MAPK14: variants seen among roughly 807,000 people sequenced by gnomAD.
MAPK14 encodes mitogen-activated protein kinase 14, also known as CSAID-binding protein.
Under a neutral mutation model 49.6 loss-of-function variants are expected in MAPK14, and 16 were observed. The observed-to-expected ratio is 0.32, with a 90% CI of 0.22 to 0.49. MAPK14 has a LOEUF of 0.49. Among genes scored for constraint, MAPK14 ranks in the 20% least tolerant of loss-of-function variants. MAPK14 has a pLI of 0.99. For synonymous variants in MAPK14, 142 were observed against 158.0 expected, an observed-to-expected ratio of 0.90 and a Z score of 0.76; for missense variants, 200 against 441.2, an observed-to-expected ratio of 0.45 and a Z score of 4.90.
At chr6:36,090,528 T>C (rs1765180690) in intron 8 of MAPK14, among the ~76,000 whole-genome samples, 1 of 91,010 alleles carries the variant, frequency 1.1e-5, no homozygotes, top group African/African-American at 6.9e-5. Context: ...CCTCTCTCTC[T>C]TTTTTTTTTT....
At chr6:36,065,473 C>T (rs969482650) in intron 3 of MAPK14, among the ~76,000 whole-genome samples, 4 of 137,342 alleles carry the variant, frequency 2.9e-5, no homozygotes, top group African/African-American at 1.1e-4. Context: ...ACAAGTTCAT[C>T]CAGGGGCCGA....
rs868733426 is a variant in MAPK14 at position 36,059,855 on chromosome 6, C to T, written c.305+508C>T. On this transcript the variant is annotated intron_variant, in intron 3 of 11. Transcript: ENST00000229794. Reference sequence around the variant, plus strand: ...TAAAGGTGCTCTTCAAGAAATGTAACGGATCCCCAGCCATATAGACTCCCT... The same window carrying T: ...TAAAGGTGCTCTTCAAGAAATGTAATGGATCCCCAGCCATATAGACTCCCT... Among the ~76,000 whole-genome samples the T allele has an allele frequency of 5.3e-5, 8 of 152,150 alleles. 1 individual carries two copies. Among genetic ancestry groups the T allele is most frequent in the Middle Eastern group, 6.3e-3 (2 of 316 alleles).
chr6:36,046,112 TC>T (rs1362718042), intron 1 of MAPK14, among the ~76,000 whole-genome samples: 1 of 152,222 alleles, frequency 6.6e-6, no homozygotes, highest in African/African-American at 2.4e-5. Context: ...TTAATGATTA[TC>T]CTTGTGTGTT....
chr6:36,088,721 CAAAA>C (rs553619006), intron 8 of MAPK14, among the ~76,000 whole-genome samples: 1 of 95,862 alleles, frequency 1.0e-5, no homozygotes, highest in Non-Finnish European at 2.2e-5. Context: ...GACTCCGTCT[CAAAA>C]AAAAAAAAAA....
chr6:36,073,875 T>C (rs1193516207), intron 5 of MAPK14, among the ~76,000 whole-genome samples, 155 bp downstream of exon 5: 2 of 152,240 alleles, frequency 1.3e-5, no homozygotes, highest in African/African-American at 4.8e-5. Context: ...AAAGAAGATG[T>C]GTAGTTTTTT....
chr6:36,034,449 A>G (rs377067218), intron 1 of MAPK14, among the ~76,000 whole-genome samples: 5 of 152,330 alleles, frequency 3.3e-5, no homozygotes, highest in South Asian at 2.1e-4. Context: ...TTGAAAATAC[A>G]TTAGATTTTT....
chr6:36,092,614 AT>A, intron 8 of MAPK14: 1 of 415,724 alleles, frequency 2.4e-6, no homozygotes. Context: ...TAGTGTTTCC[AT>A]TCTGAGACAA....
Position 36,072,885 on chromosome 6 carries a change from C to G in MAPK14, c.318C>G (p.Thr106=), listed in dbSNP as rs1251558435. 4 of 1,596,552 alleles carry G rather than the reference C, an allele frequency of 2.5e-6. No homozygotes were observed. Among genetic ancestry groups the G allele is most frequent in the Non-Finnish European group, 3.4e-6 (4 of 1,167,788 alleles). The change falls in exon 4 of 12, where the codon ACC becomes ACG. Residue 106 remains threonine, a synonymous_variant. Transcript: ENST00000229794. ...LEEFNDVYLV[T]HLMGADLNNI... ...CACTAATTTCTAGGTATCTGGTGAC[C>G]CATCTCATGGGGGCAGATCTGAACA...
intron 9 of MAPK14, among the ~76,000 whole-genome samples, chr6:36,098,436 G>A (rs577176284): frequency 5.9e-5 from 9 of 152,194 alleles, no homozygotes; most frequent in Non-Finnish European, 1.3e-4. Context: ...ACTTTGGGAG[G>A]CTGAGGCAGG....
At chr6:36,084,677 A>G (rs752780160) in intron 8 of MAPK14, among the ~76,000 whole-genome samples, 1 of 152,244 alleles carries the variant, frequency 6.6e-6, no homozygotes. Flanking sequence ...GGGATTATTT[A>G]AAAAGACTGA....
chr6:36,031,419 A>G (rs564008307), intron 1 of MAPK14, among the ~76,000 whole-genome samples: 1 of 151,778 alleles, frequency 6.6e-6, no homozygotes, highest in East Asian at 2.0e-4. Context: ...CTTCTTTTTT[A>G]TTTTGAGACA....
intron 1 of MAPK14, among the ~76,000 whole-genome samples, chr6:36,042,194 T>A (rs912483420): frequency 3.3e-5 from 5 of 152,198 alleles, no homozygotes; most frequent in Admixed American, 1.3e-4. Context: ...AAGAATGAGA[T>A]CTGGAGTGGG....
chr6:36,056,974 T>C (rs1296447944), intron 2 of MAPK14, among the ~76,000 whole-genome samples: 1 of 152,206 alleles, frequency 6.6e-6, no homozygotes, highest in Non-Finnish European at 1.5e-5. Flanking sequence ...GGAAATGGAT[T>C]TGACTTAAAT....
intron 1 of MAPK14, among the ~76,000 whole-genome samples, chr6:36,029,685 A>G (rs1040310566): frequency 6.6e-6 from 1 of 152,162 alleles, no homozygotes; most frequent in African/African-American, 2.4e-5. Flanking sequence ...GGTAATTGAG[A>G]TTGTGCAATT....
intron 1 of MAPK14, among the ~76,000 whole-genome samples, chr6:36,043,426 G>A (rs996227755): frequency 1.3e-5 from 2 of 152,132 alleles, no homozygotes; most frequent in Admixed American, 6.5e-5. Context: ...TTTGCATAAA[G>A]TTGCCTTTAT....
chr6:36,122,926 C>T, the MAPK14 span, among the ~76,000 whole-genome samples: 2 of 152,100 alleles, frequency 1.3e-5, no homozygotes, highest in Non-Finnish European at 2.9e-5. Flanking sequence ...AGTACAAGCA[C>T]GCTTCAAGAA....
chr6:36,112,880 A>G (rs146085003), downstream of MAPK14, among the ~76,000 whole-genome samples: 193 of 152,364 alleles, frequency 1.3e-3, 1 homozygote, highest in African/African-American at 4.5e-3. Context: ...CAGTATAACC[A>G]TAGAGACTAA....
chr6:36,095,669 C>T (rs1343718179), intron 8 of MAPK14, among the ~76,000 whole-genome samples: 1 of 152,232 alleles, frequency 6.6e-6, no homozygotes. Context: ...TGTGTTTTCA[C>T]CTGCTGTCTT....
intron 1 of MAPK14, among the ~76,000 whole-genome samples, chr6:36,036,669 C>T (rs565342745): frequency 3.3e-4 from 51 of 152,300 alleles, no homozygotes; most frequent in Admixed American, 5.2e-4. Flanking sequence ...CAAGACCCTC[C>T]ACCAGCAAGA....
Sources: allele counts gnomAD v4.1 joint callset (sites outside exome capture counted in the v4.1 genomes callset), GRCh38; gene constraint gnomAD v4.1.1; transcripts MANE v1.5; gene names NCBI Gene and HGNC (gene_info 2026-07-23, HGNC 2026-07-21).